TLN2: variants seen among roughly 807,000 people sequenced by gnomAD.
The protein encoded by TLN2 is talin 2, also known as talin-2.
A neutral mutation model predicts 294.7 loss-of-function variants in TLN2; 118 were observed. The observed-to-expected ratio is 0.40, with a 90% CI of 0.34 to 0.47. TLN2 has a LOEUF of 0.47. Ranked by LOEUF, TLN2 falls within the 20% of genes least tolerant of loss-of-function variation. The pLI, the probability that TLN2 is intolerant of heterozygous loss-of-function variation, is 0.84. For missense variants in TLN2, 3,083 were observed against 3,282.2 expected (o/e 0.94, Z 1.48); for synonymous variants, 1,431 against 1,304.5 (o/e 1.10, Z -2.09).
chr15:62,693,776 G>A (rs1042830400), intron 13 of TLN2, among the ~76,000 whole-genome samples: 1 of 151,944 alleles, frequency 6.6e-6, no homozygotes. Flanking sequence ...CAATAAATAC[G>A]TGACATCTAA....
chr15:62,727,134 C>G lies in TLN2; in HGVS notation c.3303C>G (p.Gly1101=). Residue 1101 remains glycine, a synonymous_variant, in exon 28 of 59, where the codon GGC becomes GGG. Transcript: ENST00000636159. ...QDLGSTSKAV[G]SSMAQLLTCA... The stretch of plus-strand genomic sequence containing the variant: ...TGGGAAGCACATCCAAGGCGGTGGG[C>G]TCCTCCATGGCACAGCTGCTGACCT... 6.2e-7 allele frequency: 1 copy of G among 1,614,230 alleles called. No individual in the cohort carries two copies. Among genetic ancestry groups the G allele is most frequent in the South Asian group, 1.1e-5 (1 of 91,082 alleles).
intron 32 of TLN2, among the ~76,000 whole-genome samples, chr15:62,741,748 C>CGCGTGCGCGTGTGTGTGTGTGTGTGT: frequency 7.6e-6 from 1 of 131,072 alleles, no homozygotes; most frequent in East Asian, 2.4e-4. Flanking sequence ...AAAATTTGCG[C>CGCGTGCGCGTGTGTGTGTGTGTGTGT]GTGTGTGTGT....
chr15:62,663,583 GA>G (rs566158899), intron 9 of TLN2, among the ~76,000 whole-genome samples: 4,037 of 135,390 alleles, frequency 0.03, 81 homozygotes, highest in South Asian at 0.058. Flanking sequence ...GTGGTCTTTA[GA>G]AAAAAAAAAA....
At chr15:62,599,085 G>A (rs544489713) in intron 2 of TLN2, among the ~76,000 whole-genome samples, 8 of 152,306 alleles carry the variant, frequency 5.3e-5, no homozygotes, top group African/African-American at 1.7e-4. Flanking sequence ...GGGTGGTGGC[G>A]TTAACATGTG....
In TLN2 at chr15:62,556,559, A is replaced by G. The variant is rs1220833998; in HGVS notation, c.-237-33128A>G. On this transcript the variant is annotated intron_variant, in intron 1 of 58. Transcript: ENST00000636159. ...AGAGATCCTCCTGCCGCAGCCTCCTACGGTGCTGGAATTACAGGTGTGAGC... is the reference window on the plus strand; with the variant it reads ...AGAGATCCTCCTGCCGCAGCCTCCTGCGGTGCTGGAATTACAGGTGTGAGC... 2.6e-5 allele frequency among the ~76,000 whole-genome samples: 4 copies of G among 151,904 alleles called. No homozygotes were observed. The South Asian group carries it at 6.2e-4, about 24-fold the overall frequency.
At chr15:62,606,646 A>C (rs975967021) in intron 2 of TLN2, among the ~76,000 whole-genome samples, 2 of 152,098 alleles carry the variant, frequency 1.3e-5, no homozygotes, top group African/African-American at 4.8e-5. Flanking sequence ...CTTCCTAACC[A>C]CCAGACACTG....
intron 28 of TLN2, among the ~76,000 whole-genome samples, chr15:62,736,251 C>T (rs1011096867): frequency 5.4e-5 from 8 of 149,512 alleles, no homozygotes; most frequent in African/African-American, 2.0e-4. Flanking sequence ...ACCTGGGAGG[C>T]AGAGCTTGCA....
intron 1 of TLN2, among the ~76,000 whole-genome samples, chr15:62,442,944 C>T (rs551482434): frequency 8.5e-5 from 13 of 152,270 alleles, no homozygotes; most frequent in Admixed American, 5.9e-4. Context: ...TTCCGTCTTC[C>T]GAGCCAGCAG....
chr15:62,503,102 T>C (rs1160995558), intron 1 of TLN2, among the ~76,000 whole-genome samples: 1 of 118,744 alleles, frequency 8.4e-6, no homozygotes, highest in African/African-American at 3.2e-5. Context: ...GATTGCAGAC[T>C]CTGCTACAAC....
chr15:62,797,719 C>T (rs1218063093), intron 48 of TLN2, among the ~76,000 whole-genome samples: 1 of 152,134 alleles, frequency 6.6e-6, no homozygotes, highest in Admixed American at 6.5e-5. Flanking sequence ...CCTTGTGGGC[C>T]AGAGCAGGGC....
chr15:62,523,806 A>T (rs17738310), intron 1 of TLN2, among the ~76,000 whole-genome samples: 23,534 of 152,226 alleles, frequency 0.15, 1,885 homozygotes, highest in Non-Finnish European at 0.18. Context: ...TGTGTGGGCC[A>T]CTTAAGTCAA....
At chr15:62,732,426 G>C (rs2140945879) in intron 28 of TLN2, among the ~76,000 whole-genome samples, 1 of 152,318 alleles carries the variant, frequency 6.6e-6, no homozygotes, top group South Asian at 2.1e-4. Flanking sequence ...ACTGAAGATG[G>C]TGAAAGTAAT....
rs112129839 is a variant in TLN2, at chr15:62,694,797, C to T, written c.1292+405C>T. On this transcript the variant is annotated intron_variant, in intron 14 of 58. Transcript: ENST00000636159. ...GGGAGTGCAGCCAGTGGCGGAGTTACGGTGAAGCACTGCTGCATGCCACGC... is the reference window on the plus strand; with the variant it reads ...GGGAGTGCAGCCAGTGGCGGAGTTATGGTGAAGCACTGCTGCATGCCACGC... Among the ~76,000 whole-genome samples, 14 of 152,212 alleles carry T rather than the reference C, an allele frequency of 9.2e-5. 1 individual carries two copies. Among genetic ancestry groups the T allele is most frequent in the African/African-American group, 1.2e-4 (5 of 41,542 alleles).
chr15:62,626,817 A>G (rs964722455), intron 3 of TLN2, among the ~76,000 whole-genome samples: 11 of 152,204 alleles, frequency 7.2e-5, no homozygotes, highest in Admixed American at 2.0e-4. Flanking sequence ...ATCTGTGTCT[A>G]CTGGTGTGAG....
chr15:62,804,796 G>C (rs2066158959), intron 50 of TLN2, among the ~76,000 whole-genome samples: 1 of 152,160 alleles, frequency 6.6e-6, no homozygotes, highest in Non-Finnish European at 1.5e-5. Context: ...TTCTGCATCA[G>C]GGAAGCCTTC....
chr15:62,631,180 C>T (rs1463783618), intron 3 of TLN2, among the ~76,000 whole-genome samples: 1 of 151,976 alleles, frequency 6.6e-6, no homozygotes, highest in African/African-American at 2.4e-5. Flanking sequence ...AGGTTGCAGT[C>T]TCTCTCTCTC....
chr15:62,765,316 C>CA (rs1308812873), intron 40 of TLN2, among the ~76,000 whole-genome samples: 4 of 146,182 alleles, frequency 2.7e-5, no homozygotes, highest in African/African-American at 1.0e-4. Flanking sequence ...TCCCTTTTTC[C>CA]TTTTTTTTTT....
chr15:62,529,559 C>A lies in TLN2; in HGVS notation c.-237-60128C>A, dbSNP rs1375093383. ...TTATTTTTTTTCTCTTACTTAAAAGCTTAAAAAAAAAAAAAAAAAGGACAG... is the reference window on the plus strand; with the variant it reads ...TTATTTTTTTTCTCTTACTTAAAAGATTAAAAAAAAAAAAAAAAAGGACAG... On this transcript the variant is annotated intron_variant, in intron 1 of 58. Transcript: ENST00000636159. Among the ~76,000 whole-genome samples, 6 of 96,674 alleles carry A rather than the reference C, an allele frequency of 6.2e-5. No homozygotes were observed. In the East Asian group the frequency reaches 1.7e-3, roughly 27 times the overall value. The allele number at this position is 96,674 out of a possible 152,430, so 63.4% of individuals were successfully genotyped here. A position where few individuals can be genotyped will look rare whatever the true frequency, so the allele number is the denominator to read the frequency against.
chr15:62,524,206 G>A (rs1263018572), intron 1 of TLN2, among the ~76,000 whole-genome samples: 6 of 152,176 alleles, frequency 3.9e-5, no homozygotes, highest in Non-Finnish European at 7.3e-5. Flanking sequence ...TGATAACATA[G>A]CCTTTTCAAT....
Sources: allele counts gnomAD v4.1 joint callset (sites outside exome capture counted in the v4.1 genomes callset), GRCh38; gene constraint gnomAD v4.1.1; transcripts MANE v1.5; gene names NCBI Gene and HGNC (gene_info 2026-07-23, HGNC 2026-07-21).